The following RHOJ variants were observed in gnomAD, a reference collection of about 807,000 sequenced individuals.
RHOJ encodes the protein ras homolog family member J.
RHOJ carries 11 observed loss-of-function variants against 23.4 expected under a neutral mutation model. The ratio of observed to expected loss-of-function variants is 0.47; its 90% CI spans 0.30 to 0.78. RHOJ has a LOEUF of 0.78. Among genes scored for constraint, RHOJ ranks in the 30% least tolerant of loss-of-function variants. The pLI is 0.08. For synonymous variants in RHOJ, 102 were observed against 102.7 expected (o/e 0.99, Z 0.04); for missense variants, 254 against 273.4 (o/e 0.93, Z 0.50).
intron 2 of RHOJ, among the ~76,000 whole-genome samples, chr14:63,275,867 T>C (rs718362): frequency 0.27 from 41,337 of 151,884 alleles, 8,826 homozygotes; most frequent in African/African-American, 0.59. Flanking sequence ...TGTGAAAAAA[T>C]ATTAAGTTAC....
chr14:63,233,253 T>C (rs1303752925), intron 1 of RHOJ, among the ~76,000 whole-genome samples: 1 of 152,040 alleles, frequency 6.6e-6, no homozygotes, highest in Admixed American at 6.6e-5. Flanking sequence ...AGACAAAAAG[T>C]ATATTAGTAG....
chr14:63,241,436 C>T (rs1028386039), intron 1 of RHOJ, among the ~76,000 whole-genome samples: 3 of 152,130 alleles, frequency 2.0e-5, no homozygotes, highest in Non-Finnish European at 4.4e-5. Flanking sequence ...ACTTGTTACC[C>T]TTGTCTCTGG....
intron 1 of RHOJ, among the ~76,000 whole-genome samples, chr14:63,209,328 C>G (rs1458578078): frequency 6.6e-6 from 1 of 152,202 alleles, no homozygotes; most frequent in Non-Finnish European, 1.5e-5. Context: ...ATGATGCACT[C>G]CATGACTCAG....
chr14:63,267,798 A>G (rs1392518546), intron 1 of RHOJ, among the ~76,000 whole-genome samples: 1 of 152,216 alleles, frequency 6.6e-6, no homozygotes, highest in African/African-American at 2.4e-5. Context: ...TTTAAAATAC[A>G]CATTTAACAG....
chr14:63,253,133 G>A (rs1023744463), intron 1 of RHOJ, among the ~76,000 whole-genome samples: 4 of 152,096 alleles, frequency 2.6e-5, no homozygotes, highest in Admixed American at 1.3e-4. Flanking sequence ...CATTCTCAAG[G>A]TCATGCAAGG....
intron 1 of RHOJ, among the ~76,000 whole-genome samples, chr14:63,207,279 C>T (rs1342030326): frequency 6.6e-6 from 1 of 152,120 alleles, no homozygotes; most frequent in African/African-American, 2.4e-5. Flanking sequence ...TTCTGCCTGC[C>T]TCAGCCTCCT....
At chr14:63,246,908 T>C (rs1894985384) in intron 1 of RHOJ, among the ~76,000 whole-genome samples, 1 of 152,168 alleles carries the variant, frequency 6.6e-6, no homozygotes, top group Non-Finnish European at 1.5e-5. Context: ...TACAGGTTTA[T>C]GAGAGGGGGC....
intron 1 of RHOJ, among the ~76,000 whole-genome samples, chr14:63,214,758 C>T (rs772545627): frequency 6.6e-6 from 1 of 152,102 alleles, no homozygotes; most frequent in Non-Finnish European, 1.5e-5. Flanking sequence ...AGTAAGGAGA[C>T]TAACCTTACT....
At chr14:63,250,930 G>A (rs1895059669) in intron 1 of RHOJ, among the ~76,000 whole-genome samples, 1 of 152,156 alleles carries the variant, frequency 6.6e-6, no homozygotes, top group South Asian at 2.1e-4. Flanking sequence ...AGCTACTTAG[G>A]AGGCTCAGGC....
rs1167796419 is a variant in RHOJ, at chr14:63,209,170, A to ATTCCC, written c.178+4123_178+4124insTTCCC. The stretch of plus-strand genomic sequence containing the variant: ...CCAAGCCACCATCATCTCTCATCCA[A>ATTCCC]ACTACTATAATCAATTCCCAATTCC... On this transcript the variant is annotated intron_variant, in intron 1 of 4. Coordinates refer to ENST00000316754, the MANE Select transcript of RHOJ (RefSeq NM_020663.5). 4.9e-4 allele frequency among the ~76,000 whole-genome samples: 75 copies of ATTCCC among 152,084 alleles called. 1 individual carries two copies. Among genetic ancestry groups the ATTCCC allele is most frequent in the African/African-American group, 1.7e-3 (72 of 41,482 alleles).
At chr14:63,258,228 CAAAA>C (rs1300550864) in intron 1 of RHOJ, among the ~76,000 whole-genome samples, 3 of 69,032 alleles carry the variant, frequency 4.3e-5, no homozygotes, top group Admixed American at 1.7e-4. Flanking sequence ...AACTCTGTCC[CAAAA>C]AAAAAAAAAA....
At chr14:63,284,550 G>A (rs1196499885) in intron 4 of RHOJ, among the ~76,000 whole-genome samples, 1 of 152,182 alleles carries the variant, frequency 6.6e-6, no homozygotes, top group Non-Finnish European at 1.5e-5. Flanking sequence ...CACCACTCGT[G>A]TACCTGACCG....
At chr14:63,282,323 C>CACACACACACAA in intron 3 of RHOJ, among the ~76,000 whole-genome samples, 1 of 146,006 alleles carries the variant, frequency 6.8e-6, no homozygotes, top group South Asian at 2.1e-4. Context: ...CACACACACA[C>CACACACACACAA]AATTAGTAGA....
At chr14:63,234,205 C>G (rs938760582) in intron 1 of RHOJ, among the ~76,000 whole-genome samples, 1 of 152,230 alleles carries the variant, frequency 6.6e-6, no homozygotes, top group Non-Finnish European at 1.5e-5. Flanking sequence ...CTTAATTCAC[C>G]CATGTATTCT....
intron 2 of RHOJ, chr14:63,269,369 C>T (rs1318740043): frequency 6.4e-6 from 3 of 465,972 alleles, no homozygotes; most frequent in Non-Finnish European, 1.1e-5. Flanking sequence ...TTACATCATT[C>T]AAGGCATTGA....
rs1386687558 is a variant in RHOJ at position 63,288,523 on chromosome 14, CAT to C, written c.499-2354_499-2353del. 1.5e-4 allele frequency among the ~76,000 whole-genome samples: 23 copies of C among 152,362 alleles called. No homozygotes were observed. In the South Asian group the frequency reaches 2.1e-3, roughly 14 times the overall value. The stretch of plus-strand genomic sequence containing the variant: ...TGCCATTAGATTAATGTGCTTTTCA[CAT>C]GTGTTTGAATCAAGCATTGAACACA... On this transcript the variant is annotated intron_variant, in intron 4 of 4. Transcript: ENST00000316754.
At chr14:63,255,442 T>C in intron 1 of RHOJ, among the ~76,000 whole-genome samples, 1 of 151,988 alleles carries the variant, frequency 6.6e-6, no homozygotes, top group East Asian at 1.9e-4. Context: ...TGAAGTGGGG[T>C]CTGCAGACCA....
intron 1 of RHOJ, among the ~76,000 whole-genome samples, chr14:63,225,720 A>G (rs1894581552): frequency 6.6e-6 from 1 of 152,224 alleles, no homozygotes; most frequent in South Asian, 2.1e-4. Context: ...AACAGTGGGA[A>G]GTAGAAAGAA....
At position 63,291,053 on chromosome 14, in the gene RHOJ, C is replaced by T. The variant is rs767235155; in HGVS notation, c.*29C>T. 1.9e-6 allele frequency: 3 copies of T among 1,612,812 alleles called. No homozygotes were observed. Among genetic ancestry groups the T allele is most frequent in the Non-Finnish European group, 1.7e-6 (2 of 1,179,488 alleles). The stretch of plus-strand genomic sequence containing the variant: ...TGTCTGGGACCTGCCTCCACCCCAT[C>T]CAGGGATGAGAATGGCAGCCAATCT... On this transcript the variant is annotated 3_prime_UTR_variant, in exon 5 of 5. Coordinates refer to ENST00000316754, the MANE Select transcript of RHOJ (RefSeq NM_020663.5).
Sources: gnomAD v4.1 joint callset for allele counts (sites outside exome capture counted in the v4.1 genomes callset) on GRCh38, gnomAD v4.1.1 for gene constraint, MANE v1.5 for transcripts, NCBI Gene and HGNC (gene_info 2026-07-23, HGNC 2026-07-21) for gene names.